The following DCAF12 variants were observed in gnomAD, a reference collection of about 807,000 sequenced individuals.
DCAF12 encodes the protein DDB1- and CUL4-associated factor 12.
Under a neutral mutation model 52.8 loss-of-function variants are expected in DCAF12, and 28 were observed. The ratio of observed to expected loss-of-function variants is 0.53; its 90% confidence interval spans 0.39 to 0.73. The LOEUF (loss-of-function observed/expected upper bound fraction) is 0.73. Among genes scored for constraint, DCAF12 ranks in the 30% least tolerant of loss-of-function variants. The pLI is 0.00. For missense variants in DCAF12, 425 were observed against 552.2 expected (o/e 0.77, Z 2.31); for synonymous variants, 196 against 215.5 (o/e 0.91, Z 0.79).
rs746749317 is a variant in DCAF12, at chr9:34,088,331, T to C, written c.*19A>G. On this transcript the variant is annotated 3_prime_UTR_variant, in exon 9 of 9. Transcript: ENST00000361264. ...GAGAATGGAAGTTAGTGTAAATCTC[T>C]GCATTTGGGGAGTTGTCATTAACTC... 1 of 1,528,094 alleles carries C rather than the reference T, an allele frequency of 6.5e-7. No individual in the cohort carries two copies. The highest frequency in any genetic ancestry group is 8.8e-7 in the Non-Finnish European group (1 of 1,142,552). 94.7% of individuals were successfully genotyped at this position (1,528,094 alleles called of 1,614,324 possible). A position where few individuals can be genotyped will look rare whatever the true frequency, so the allele number is the denominator to read the frequency against.
At chr9:34,124,507 C>A (rs989894835) in intron 2 of DCAF12, among the ~76,000 whole-genome samples, 3 of 152,190 alleles carry the variant, frequency 2.0e-5, no homozygotes, top group Non-Finnish European at 2.9e-5. Context: ...AAATATACTA[C>A]CAGACACACA....
In DCAF12 at chr9:34,107,410, G is replaced by C; in HGVS notation, c.489C>G (p.Asn163Lys). The change falls in exon 3 of 9, where the codon AAC becomes AAG. Residue 163 changes from asparagine to lysine, a missense_variant. Asn to Lys is a moderately conservative substitution (Grantham distance 94, BLOSUM62 0). Around this residue, in one of 3 missense-constraint regions of DCAF12, gnomAD observed 328 missense variants for 444.4 expected, o/e 0.74. Coordinates refer to ENST00000361264, the MANE Select transcript of DCAF12 (RefSeq NM_015397.4). ...TAGGTAGTCGATAGATGGCAAGACTGTTGGGGTTGTCTCCTCCAGTGGCTA... is the reference window on the plus strand; with the variant it reads ...TAGGTAGTCGATAGATGGCAAGACTCTTGGGGTTGTCTCCTCCAGTGGCTA... ...TLLATGGDNP[N>K]SLAIYRLPTL... 6.2e-7 allele frequency: 1 copy of C among 1,614,188 alleles called. No homozygotes were observed. The highest frequency in any genetic ancestry group is 8.5e-7 in the Non-Finnish European group (1 of 1,180,032).
At chr9:34,113,865 T>G (rs1347805813) in intron 2 of DCAF12, among the ~76,000 whole-genome samples, 1 of 151,660 alleles carries the variant, frequency 6.6e-6, no homozygotes, top group African/African-American at 2.4e-5. Context: ...TCCCAGCACT[T>G]TGGGAGGCCA....
Position 34,126,393 on chromosome 9 carries a change from G to C in DCAF12, c.39C>G (p.Pro13=). Residue 13 remains proline (P), a synonymous_variant, in exon 1 of 9, where the codon CCC becomes CCG. Coordinates refer to ENST00000361264, the MANE Select transcript of DCAF12 (RefSeq NM_015397.4). The part of the protein sequence containing the change: ...RKVVSRKRKA[P]ASPGAGSDAQ... ...CGTCGCTCCCAGCTCCCGGCGAGGC[G>C]GGCGCTTTCCGCTTCCTGCTAACTA... 1 of 1,610,926 alleles carries C rather than the reference G, an allele frequency of 6.2e-7. No homozygotes were observed. The highest frequency in any genetic ancestry group is 2.2e-5 in the East Asian group (1 of 44,866).
At chr9:34,091,092 C>G (rs910585728) in intron 7 of DCAF12, among the ~76,000 whole-genome samples, 1 of 151,932 alleles carries the variant, frequency 6.6e-6, no homozygotes, top group Admixed American at 6.6e-5. Context: ...TTGGGAGGCC[C>G]AAGGTGAGTG....
chr9:34,097,802 G>A (rs1828758904), intron 5 of DCAF12, among the ~76,000 whole-genome samples: 2 of 152,016 alleles, frequency 1.3e-5, no homozygotes, highest in South Asian at 2.1e-4. Context: ...GTGTAGCGGT[G>A]CATGCCTGTA....
Position 34,089,581 on chromosome 9 carries a change from G to A in DCAF12, c.1034C>T (p.Ser345Leu). The A allele has an allele frequency of 6.2e-7, 1 of 1,603,194 alleles. No homozygotes were observed. Among genetic ancestry groups the A allele is most frequent in the South Asian group, 1.1e-5 (1 of 90,170 alleles). The change falls in exon 8 of 9, where the codon TCA becomes TTA. Residue 345 changes from serine (S) to leucine (L), a missense_variant. Physicochemically the swap from Ser to Leu is moderately radical, Grantham distance 145. Coordinates refer to ENST00000361264, the MANE Select transcript of DCAF12 (RefSeq NM_015397.4). The part of the protein sequence containing the change: ...CSRERGSGIR[S>L]VSFYEHIITV... ...GATGATGTGCTCGTAGAAACTCACT[G>A]ACCGGATTCCTGAAAGACAGAAAAG...
chr9:34,092,684 C>CAA (rs554169645), intron 7 of DCAF12, among the ~76,000 whole-genome samples: 54 of 135,828 alleles, frequency 4.0e-4, no homozygotes, highest in Admixed American at 6.0e-4. Context: ...GACTCTGTCT[C>CAA]AAAAAAAAAA....
intron 1 of DCAF12, 81 bp downstream of exon 1, chr9:34,126,273 T>G: frequency 6.5e-7 from 1 of 1,547,796 alleles, no homozygotes; most frequent in Non-Finnish European, 8.8e-7. Context: ...GGACCCCGAT[T>G]CCCGTCGCAG....
chr9:34,109,742 T>A, intron 2 of DCAF12: 1 of 277,310 alleles, frequency 3.6e-6, no homozygotes, highest in South Asian at 4.2e-5. Context: ...GAGCTGGCCC[T>A]GGAAGCTCAG....
At chr9:34,115,949 T>C (rs967269963) in intron 2 of DCAF12, among the ~76,000 whole-genome samples, 1 of 152,192 alleles carries the variant, frequency 6.6e-6, no homozygotes, top group African/African-American at 2.4e-5. Context: ...TAATTCCCTA[T>C]TATTGAACAT....
At chr9:34,091,471 T>C (rs1828642801) in intron 7 of DCAF12, among the ~76,000 whole-genome samples, 1 of 151,294 alleles carries the variant, frequency 6.6e-6, no homozygotes, top group Admixed American at 6.6e-5. Flanking sequence ...AACCTGTCTC[T>C]ACAAAAATAC....
chr9:34,101,780 T>TGA (rs146118060), intron 4 of DCAF12, among the ~76,000 whole-genome samples: 2,343 of 152,082 alleles, frequency 0.015, 60 homozygotes, highest in African/African-American at 0.052. Context: ...CTTGGGAGGC[T>TGA]GAGGTAGGTG....
chr9:34,115,803 C>T (rs542155688), intron 2 of DCAF12, among the ~76,000 whole-genome samples: 2 of 151,994 alleles, frequency 1.3e-5, no homozygotes, highest in Admixed American at 1.3e-4. Context: ...ATAAAACCCA[C>T]CTGGGCTCAG....
Position 34,125,044 on chromosome 9 carries a change from C to A in DCAF12, c.312G>T (p.Val104=), listed in dbSNP as rs1480348489. Reference sequence around the variant, plus strand: ...TTACCGTGTTGCATTTTGTGCCACACACCACTTGCCTATGATTCAACCACT... The same window carrying A: ...TTACCGTGTTGCATTTTGTGCCACAAACCACTTGCCTATGATTCAACCACT... ...ASQWLNHRQV[V]CGTKCNTLFV... The change falls in exon 2 of 9, where the codon GTG becomes GTT. Residue 104 remains valine, a synonymous_variant. Transcript: ENST00000361264. 1 of 1,613,462 alleles carries A rather than the reference C, an allele frequency of 6.2e-7. No individual in the cohort carries two copies. The highest frequency in any genetic ancestry group is 1.7e-5 in the Admixed American group (1 of 60,012).
chr9:34,125,163 G>C lies in DCAF12; in HGVS notation c.193C>G (p.Arg65Gly), dbSNP rs780866460. 1.4e-5 allele frequency: 23 copies of C among 1,614,024 alleles called. 1 individual carries two copies. In the South Asian group the frequency reaches 2.5e-4, roughly 18 times the overall value. The change falls in exon 2 of 9, where the codon CGA becomes GGA. Residue 65 changes from arginine (R) to glycine (G), a missense_variant. Transcript: ENST00000361264. ...TGTGCTGCATAACCATGCAACACTC[G>C]AGAGTAGCTGGTTTCATTCTGTAGC... The part of the protein sequence containing the change: ...VRLQNETSYS[R>G]VLHGYAAQQL...
At chr9:34,112,038 G>A (rs1322476028) in intron 2 of DCAF12, among the ~76,000 whole-genome samples, 2 of 151,950 alleles carry the variant, frequency 1.3e-5, no homozygotes, top group African/African-American at 4.8e-5. Context: ...AGCTACTCGG[G>A]AGGCTGAGAC....
At chr9:34,126,277 G>C in intron 1 of DCAF12, 77 bp downstream of exon 1, 2 of 1,558,446 alleles carry the variant, frequency 1.3e-6, no homozygotes, top group Middle Eastern at 1.7e-4. Flanking sequence ...CCCGATTCCC[G>C]TCGCAGGATC....
At chr9:34,094,623 T>C (rs1436485966) in intron 6 of DCAF12, among the ~76,000 whole-genome samples, 6 of 149,974 alleles carry the variant, frequency 4.0e-5, no homozygotes, top group East Asian at 2.1e-4. Flanking sequence ...CTCCACCTCC[T>C]GGGTTCACAC....
Sources: gnomAD v4.1 joint callset for allele counts (sites outside exome capture counted in the v4.1 genomes callset) on GRCh38, gnomAD v4.1.1 for gene constraint, gnomAD v4.1.1 regional missense constraint, MANE v1.5 for transcripts, NCBI Gene and HGNC (gene_info 2026-07-23, HGNC 2026-07-21) for gene names.